The following OTUD7A variants were observed in gnomAD, a reference collection of about 807,000 sequenced individuals.
The protein encoded by OTUD7A is OTU deubiquitinase 7A.
In OTUD7A, 12 loss-of-function variants were observed where a neutral mutation model predicts 65.7. That is an observed-to-expected ratio of 0.18 (90% CI 0.12 to 0.30). OTUD7A has a LOEUF of 0.30. OTUD7A is among the 10% of genes least tolerant of loss of function. The pLI, the probability that OTUD7A is intolerant of heterozygous loss-of-function variation, is 1.00. For synonymous variants in OTUD7A, 641 were observed against 586.3 expected (o/e 1.09, Z -1.35); for missense variants, 1,148 against 1,304.8 (o/e 0.88, Z 1.85).
At chr15:31,745,635 A>G (rs1203900426) in intron 1 of OTUD7A, among the ~76,000 whole-genome samples, 1 of 152,180 alleles carries the variant, frequency 6.6e-6, no homozygotes, top group Admixed American at 6.5e-5. Flanking sequence ...GTAGCTACAG[A>G]TTTCTCAGAA....
intron 1 of OTUD7A, among the ~76,000 whole-genome samples, chr15:31,839,179 G>A (rs1242942395): frequency 6.6e-6 from 1 of 152,234 alleles, no homozygotes; most frequent in Non-Finnish European, 1.5e-5. Flanking sequence ...GGGGAAAGGG[G>A]CACCCTCGTC....
chr15:31,641,263 G>GT (rs1289729233), intron 3 of OTUD7A, among the ~76,000 whole-genome samples: 2 of 152,114 alleles, frequency 1.3e-5, no homozygotes, highest in Non-Finnish European at 2.9e-5. Context: ...CACCATGACT[G>GT]TAAGTTTCCT....
chr15:31,779,535 T>C (rs1026979286), intron 1 of OTUD7A, among the ~76,000 whole-genome samples: 1 of 152,190 alleles, frequency 6.6e-6, no homozygotes, highest in Non-Finnish European at 1.5e-5. Context: ...GTGTACAAGG[T>C]AATTGACGGT....
intron 1 of OTUD7A, among the ~76,000 whole-genome samples, chr15:31,687,441 C>A (rs5021900): frequency 2.0e-5 from 3 of 151,946 alleles, no homozygotes; most frequent in African/African-American, 7.3e-5. Context: ...CAGTGGCTCT[C>A]GCCCATGTGT....
intron 1 of OTUD7A, among the ~76,000 whole-genome samples, chr15:31,769,037 G>C (rs1334237973): frequency 6.6e-6 from 1 of 152,124 alleles, no homozygotes; most frequent in East Asian, 1.9e-4. Flanking sequence ...AATGCAAAGG[G>C]CTGAAATATG....
intron 1 of OTUD7A, among the ~76,000 whole-genome samples, chr15:31,869,655 T>C (rs150049136): frequency 3.3e-5 from 5 of 152,222 alleles, no homozygotes; most frequent in Admixed American, 6.5e-5. Context: ...CTCAAGCCAA[T>C]AGACAGAAAT....
intron 6 of OTUD7A, 78 bp downstream of exon 6, chr15:31,530,629 T>C (rs1350324194): frequency 2.3e-6 from 3 of 1,306,276 alleles, no homozygotes; most frequent in Non-Finnish European, 3.2e-6. Context: ...CCTTCAATAG[T>C]GTTTCCTTCA....
chr15:31,841,642 C>T (rs1446356455), intron 1 of OTUD7A, among the ~76,000 whole-genome samples: 1 of 152,116 alleles, frequency 6.6e-6, no homozygotes, highest in Admixed American at 6.5e-5. Context: ...ACAGAATCTG[C>T]CTCTGTCAAG....
intron 1 of OTUD7A, among the ~76,000 whole-genome samples, chr15:31,686,251 G>A (rs1363269357): frequency 6.6e-6 from 1 of 152,248 alleles, no homozygotes; most frequent in African/African-American, 2.4e-5. Flanking sequence ...CCTCCTGGGA[G>A]TGGGCCTCTC....
At chr15:31,757,366 TAC>T (rs1894844678) in intron 1 of OTUD7A, among the ~76,000 whole-genome samples, 2 of 149,502 alleles carry the variant, frequency 1.3e-5, no homozygotes, top group East Asian at 1.9e-4. Flanking sequence ...TATATATATA[TAC>T]GTTTATATAT....
rs1895398243 is a variant in OTUD7A at position 31,776,961 on chromosome 15, C to T, written c.-100+93546G>A. 5.3e-5 allele frequency among the ~76,000 whole-genome samples: 8 copies of T among 151,844 alleles called. No individual in the cohort carries two copies. In the South Asian group the frequency reaches 1.7e-3, roughly 32 times the overall value. ...AAAGTATAATAATAATAAAAAAATG[C>T]TAAAAAGTAATCTAACTCTAAAAAA... On this transcript the variant is annotated intron_variant, in intron 1 of 12. Transcript: ENST00000307050.
At chr15:31,609,315 G>A (rs1294595192) in intron 3 of OTUD7A, among the ~76,000 whole-genome samples, 1 of 152,230 alleles carries the variant, frequency 6.6e-6, no homozygotes. Context: ...GAGGTGGATA[G>A]CCTGGGGTAA....
At chr15:31,581,433 C>T (rs530977541) in intron 3 of OTUD7A, among the ~76,000 whole-genome samples, 49 of 152,372 alleles carry the variant, frequency 3.2e-4, no homozygotes, top group African/African-American at 1.1e-3. Context: ...GCTCCCATCC[C>T]ACATTTCCCT....
chr15:31,555,006 C>T (rs1888444493), intron 5 of OTUD7A, among the ~76,000 whole-genome samples: 1 of 152,164 alleles, frequency 6.6e-6, no homozygotes, highest in South Asian at 2.1e-4. Context: ...TCTCCCAGAT[C>T]TGTGGGTTTT....
intron 3 of OTUD7A, among the ~76,000 whole-genome samples, chr15:31,592,871 C>A (rs1285315595): frequency 7.7e-5 from 5 of 65,300 alleles, no homozygotes; most frequent in African/African-American, 3.6e-4. Flanking sequence ...CAGAGCAAGG[C>A]TCTGTCTCAA....
rs139239367 is a variant in OTUD7A, at chr15:31,628,382, T to C, written c.151+26714A>G. On this transcript the variant is annotated intron_variant, in intron 3 of 12. Coordinates refer to ENST00000307050, the MANE Select transcript of OTUD7A (RefSeq NM_001382637.1). The stretch of plus-strand genomic sequence containing the variant: ...CCCCATTGCTTGTTTCTGTCAGGTT[T>C]GTCGAAGATCAGATGGTTGTAGATA... 5.9e-5 allele frequency among the ~76,000 whole-genome samples: 9 copies of C among 152,348 alleles called. No individual in the cohort carries two copies. The East Asian group carries it at 1.7e-3, about 29-fold the overall frequency.
Position 31,480,551 on chromosome 15 carries a change from C to A in OTUD7A, c.*2743G>T, listed in dbSNP as rs190743912. 8.5e-5 allele frequency: 13 copies of A among 152,476 alleles called. No homozygotes were observed. Among genetic ancestry groups the A allele is most frequent in the Admixed American group, 8.5e-4 (13 of 15,314 alleles). The allele number at this position is 152,476 out of a possible 1,614,324, so 9.4% of individuals were successfully genotyped here. A position where few individuals can be genotyped will look rare whatever the true frequency, so the allele number is the denominator to read the frequency against. ...CACAAAGGGCCCTCACGCCATGGAACACGAGGGAAGCCCTTGGCCCACATG... is the reference window on the plus strand; with the variant it reads ...CACAAAGGGCCCTCACGCCATGGAAAACGAGGGAAGCCCTTGGCCCACATG... On this transcript the variant is annotated 3_prime_UTR_variant, in exon 13 of 13. Transcript: ENST00000307050.
At chr15:31,742,899 T>C (rs1357405797) in intron 1 of OTUD7A, among the ~76,000 whole-genome samples, 2 of 152,082 alleles carry the variant, frequency 1.3e-5, no homozygotes, top group Non-Finnish European at 2.9e-5. Flanking sequence ...AATGAAAATA[T>C]TAATTCACCA....
intron 1 of OTUD7A, among the ~76,000 whole-genome samples, chr15:31,779,100 A>G (rs1300079439): frequency 2.6e-5 from 4 of 152,196 alleles, no homozygotes; most frequent in African/African-American, 9.7e-5. Flanking sequence ...ACATTTTAGA[A>G]GATTGTCTTC....
Sources: gnomAD v4.1 joint callset for allele counts (sites outside exome capture counted in the v4.1 genomes callset) on GRCh38, gnomAD v4.1.1 for gene constraint, MANE v1.5 for transcripts, NCBI Gene and HGNC (gene_info 2026-07-23, HGNC 2026-07-21) for gene names.